The following TRDN variants were observed in gnomAD, a reference collection of about 807,000 sequenced individuals.
TRDN encodes triadin in skeletal muscle.
Under a neutral mutation model 149.7 loss-of-function variants are expected in TRDN, and 161 were observed. That is an observed-to-expected ratio of 1.08 (90% confidence interval 0.95 to 1.23). The LOEUF is 1.23. Among genes scored for constraint, TRDN ranks in the 50% most tolerant of loss-of-function variants. The pLI is 0.00. For missense variants in TRDN, 896 were observed against 823.5 expected (o/e 1.09, Z -1.08); for synonymous variants, 294 against 250.5 (o/e 1.17, Z -1.64).
chr6:123,602,767 G>C (rs929328373), intron 1 of TRDN, among the ~76,000 whole-genome samples: 1 of 151,990 alleles, frequency 6.6e-6, no homozygotes, highest in Non-Finnish European at 1.5e-5. Context: ...GGTGGAAAGA[G>C]CACCTTTTAA....
chr6:123,473,711 T>A lies in TRDN; in HGVS notation c.854-8728A>T, dbSNP rs912565508. Among the ~76,000 whole-genome samples, 12 of 151,360 alleles carry A rather than the reference T, an allele frequency of 7.9e-5. No individual in the cohort carries two copies. In the East Asian group the frequency reaches 2.0e-3, roughly 25 times the overall value. Reference sequence around the variant, plus strand: ...GCCAGAGAGAAAGGTCGGGTTACCCTCAAAGGGAAGCCCATCAGACTAACA... The same window carrying A: ...GCCAGAGAGAAAGGTCGGGTTACCCACAAAGGGAAGCCCATCAGACTAACA... On this transcript the variant is annotated intron_variant, in intron 9 of 40. Coordinates refer to ENST00000334268, the MANE Select transcript of TRDN (RefSeq NM_006073.4).
chr6:123,380,471 T>C (rs1036617179), intron 16 of TRDN, among the ~76,000 whole-genome samples: 13 of 152,178 alleles, frequency 8.5e-5, no homozygotes, highest in Admixed American at 3.3e-4. Flanking sequence ...GAGAGAACTC[T>C]CTGTAGATGG....
At chr6:123,314,387 CAATGTTGGTGGGACTGT>C (rs1490037111) in intron 24 of TRDN, among the ~76,000 whole-genome samples, 17 of 151,980 alleles carry the variant, frequency 1.1e-4, no homozygotes, top group Admixed American at 1.1e-3. Flanking sequence ...AACGCATATA[CAATGTTGGTGGGACTGT>C]AAATTAGTTC....
chr6:123,333,861 T>C (rs1031782513), intron 22 of TRDN, among the ~76,000 whole-genome samples: 1 of 151,964 alleles, frequency 6.6e-6, no homozygotes, highest in African/African-American at 2.4e-5. Context: ...TGTCCAAGAG[T>C]CTATAGGATG....
chr6:123,315,147 C>A (rs1398779333), intron 24 of TRDN, among the ~76,000 whole-genome samples: 1 of 151,894 alleles, frequency 6.6e-6, no homozygotes, highest in Non-Finnish European at 1.5e-5. Context: ...GAGGAAAGGA[C>A]AACATAATGC....
rs9401673 is a variant in TRDN, at chr6:123,496,950, G to A, written c.853+243C>T. On this transcript the variant is annotated intron_variant, in intron 9 of 40. Transcript: ENST00000334268. Reference sequence around the variant, plus strand: ...TTAAAGATTTTAGCATTCCTTATATGGAGAGATATTAGCACATATTTTACA... The same window carrying A: ...TTAAAGATTTTAGCATTCCTTATATAGAGAGATATTAGCACATATTTTACA... Among the ~76,000 whole-genome samples the A allele has an allele frequency of 0.83, 126,884 of 152,020 alleles. 53,193 individuals carry two copies. Among genetic ancestry groups the A allele is most frequent in the East Asian group, 0.98 (5,047 of 5,172 alleles).
chr6:123,398,842 A>G (rs909034610), intron 12 of TRDN, among the ~76,000 whole-genome samples: 2 of 152,246 alleles, frequency 1.3e-5, no homozygotes, highest in African/African-American at 4.8e-5. Flanking sequence ...TGCACAATGC[A>G]GAAATATGAA....
intron 10 of TRDN, among the ~76,000 whole-genome samples, chr6:123,456,665 C>T (rs1235880845): frequency 2.0e-5 from 3 of 152,054 alleles, no homozygotes; most frequent in Non-Finnish European, 4.4e-5. Context: ...GATAGGGTTT[C>T]GCCATGTTGC....
chr6:123,256,798 G>C (rs563431857), intron 35 of TRDN, among the ~76,000 whole-genome samples: 1 of 151,614 alleles, frequency 6.6e-6, no homozygotes, highest in African/African-American at 2.4e-5. Context: ...AGTTCCTTTT[G>C]CTGTGCAGAA....
chr6:123,286,294 G>GT (rs1302554895), intron 24 of TRDN, among the ~76,000 whole-genome samples: 1 of 152,062 alleles, frequency 6.6e-6, no homozygotes, highest in Non-Finnish European at 1.5e-5. Context: ...CAACCAATGA[G>GT]TTGATGAAGA....
intron 8 of TRDN, among the ~76,000 whole-genome samples, chr6:123,501,013 C>A (rs547154185): frequency 1.4e-4 from 21 of 152,084 alleles, no homozygotes; most frequent in Admixed American, 9.8e-4. Context: ...TCTTCCTACT[C>A]TACAAACAGA....
At chr6:123,394,985 A>G (rs1259065678) in intron 12 of TRDN, among the ~76,000 whole-genome samples, 4 of 152,188 alleles carry the variant, frequency 2.6e-5, no homozygotes, top group Non-Finnish European at 5.9e-5. Flanking sequence ...ATTGTTGACT[A>G]AAACAAATGG....
At chr6:123,289,016 GGTGT>G (rs1156862536) in intron 24 of TRDN, among the ~76,000 whole-genome samples, 22 of 103,986 alleles carry the variant, frequency 2.1e-4, no homozygotes, top group African/African-American at 4.6e-4. Context: ...AAATGTGGGG[GGTGT>G]GTGTGTGTGT....
At chr6:123,383,409 A>G (rs537465270) in intron 14 of TRDN, among the ~76,000 whole-genome samples, 224 of 152,194 alleles carry the variant, frequency 1.5e-3, no homozygotes, top group African/African-American at 3.9e-3. Flanking sequence ...TGATGTGGTA[A>G]TTCCATTTCT....
At chr6:123,521,505 C>T (rs1298451606) in intron 5 of TRDN, among the ~76,000 whole-genome samples, 1 of 152,076 alleles carries the variant, frequency 6.6e-6, no homozygotes, top group Non-Finnish European at 1.5e-5. Context: ...GCCCGCAAAC[C>T]TCCAGAGGCC....
chr6:123,617,573 G>A (rs946427565), intron 1 of TRDN, among the ~76,000 whole-genome samples: 9 of 152,096 alleles, frequency 5.9e-5, no homozygotes, highest in Non-Finnish European at 2.9e-5. Flanking sequence ...GAAAGTCATT[G>A]CTACAGAAAG....
chr6:123,395,058 T>A (rs1484067802), intron 12 of TRDN, among the ~76,000 whole-genome samples: 1 of 152,114 alleles, frequency 6.6e-6, no homozygotes. Flanking sequence ...TGCTCAGATG[T>A]TTTACTTCTT....
chr6:123,393,640 T>C lies in TRDN; in HGVS notation c.1089A>G (p.Val363=). ...GKASETKQGT[V]KIAAQAAAKK... ...ATTGCTTACCTTGTGCTGCAATTTT[T>C]ACAGTCCCTTGTTTGGTTTCAGAAG... Residue 363 remains valine (V), a synonymous_variant, in exon 13 of 41, where the codon GTA becomes GTG. Transcript: ENST00000334268. 2 of 1,606,242 alleles carry C rather than the reference T, an allele frequency of 1.2e-6. No individual in the cohort carries two copies. The highest frequency in any genetic ancestry group is 1.1e-5 in the South Asian group (1 of 89,870).
At chr6:123,319,204 C>G (rs932199737) in intron 23 of TRDN, among the ~76,000 whole-genome samples, 1 of 151,666 alleles carries the variant, frequency 6.6e-6, no homozygotes, top group Non-Finnish European at 1.5e-5. Context: ...ATTGCATGAT[C>G]TTTCAAAGTA....
Sources: allele counts gnomAD v4.1 joint callset (sites outside exome capture counted in the v4.1 genomes callset), GRCh38; gene constraint gnomAD v4.1.1; transcripts MANE v1.5; gene names NCBI Gene and HGNC (gene_info 2026-07-23, HGNC 2026-07-21).